The following PIEZO2 variants were observed in gnomAD, a reference collection of about 807,000 sequenced individuals.
PIEZO2 encodes piezo type mechanosensitive ion channel component 2.
In PIEZO2, 172 loss-of-function variants were observed where a neutral mutation model predicts 337.3. That is an observed-to-expected ratio of 0.51 (90% confidence interval 0.45 to 0.58). The LOEUF is 0.58. Among genes scored for constraint, PIEZO2 ranks in the 20% least tolerant of loss-of-function variants. The pLI is 0.00. For missense variants in PIEZO2, 3,028 were observed against 3,391.3 expected (o/e 0.89, Z 2.66); for synonymous variants, 1,251 against 1,228.5 (o/e 1.02, Z -0.38).
rs894265725 is a variant in PIEZO2, at chr18:10,824,239, C to T, written c.918-16965G>A. The stretch of plus-strand genomic sequence containing the variant: ...AATAATTTACGAGAGTAGCAAGAGA[C>T]AAGTCTCCATAGTCTGTGGGAAAAA... On this transcript the variant is annotated intron_variant, in intron 7 of 55. Coordinates refer to ENST00000674853, the MANE Select transcript of PIEZO2 (RefSeq NM_001378183.1). This position sits in a 1 kb window ranked among gnomAD's most constrained non-coding sequence, Gnocchi z 4.4. Among the ~76,000 whole-genome samples, 6 of 152,106 alleles carry T rather than the reference C, an allele frequency of 3.9e-5. No individual in the cohort carries two copies. Among genetic ancestry groups the T allele is most frequent in the Admixed American group, 6.6e-5 (1 of 15,262 alleles).
At chr18:10,693,474 A>T (rs1265508101) in intron 47 of PIEZO2, among the ~76,000 whole-genome samples, 1 of 151,342 alleles carries the variant, frequency 6.6e-6, no homozygotes, top group Non-Finnish European at 1.5e-5. Flanking sequence ...GGTTCAAGCG[A>T]TTCTCCTGCC....
Position 10,671,529 on chromosome 18 carries a change from A to G in PIEZO2, c.8596T>C (p.Ter2866ArgextTer13), listed in dbSNP as rs1432618446. ...MIKWTREKTN[*>R] is the part of the protein sequence containing the mutation. ...TTTGCAGTCTGTGTTCTAAGGTTTCAATTTGTTTTTTCTCTAGTCCATTTG... is the reference window on the plus strand; with the variant it reads ...TTTGCAGTCTGTGTTCTAAGGTTTCGATTTGTTTTTTCTCTAGTCCATTTG... Residue 2866 changes from the stop codon to arginine (R), a stop_lost, in exon 56 of 56, where the codon TGA (stop) becomes CGA (arginine). Transcript: ENST00000674853. The G allele has an allele frequency of 1.2e-6, 2 of 1,607,788 alleles. No homozygotes were observed. Among genetic ancestry groups the G allele is most frequent in the African/African-American group, 1.3e-5 (1 of 74,658 alleles).
chr18:10,950,611 C>A (rs796381948), intron 3 of PIEZO2, among the ~76,000 whole-genome samples: 24 of 152,290 alleles, frequency 1.6e-4, no homozygotes, highest in African/African-American at 5.5e-4. Flanking sequence ...TCTGATAACA[C>A]CCAACTTTGT....
intron 14 of PIEZO2, 31 bp from the exon 15 acceptor site, chr18:10,789,396 A>G: frequency 1.3e-6 from 2 of 1,519,098 alleles, no homozygotes; most frequent in South Asian, 1.3e-5. Flanking sequence ...TGTTATACTT[A>G]GCTGGTTATC....
rs955270827 is a variant in PIEZO2 at position 10,837,333 on chromosome 18, G to A, written c.917+18020C>T. The stretch of plus-strand genomic sequence containing the variant: ...GAAGAAAAGAAGTCCCCTGTGAGGG[G>A]AACACAGCATCTTCTGAGAATACCT... On this transcript the variant is annotated intron_variant, in intron 7 of 55. Transcript: ENST00000674853. The surrounding 1 kb of genome is among the most constrained non-coding windows in gnomAD (Gnocchi z 4.4). Among the ~76,000 whole-genome samples the A allele has an allele frequency of 2.6e-5, 4 of 152,184 alleles. No homozygotes were observed. The highest frequency in any genetic ancestry group is 6.5e-5 in the Admixed American group (1 of 15,280).
Position 10,870,033 on chromosome 18 carries a change from G to A in PIEZO2, c.492+1220C>T, listed in dbSNP as rs1022129802. ...TAGAATTACAGGCAAGCACCATCACGCTCAGCTAATTTTTGTATTTTTAGT... is the reference window on the plus strand; with the variant it reads ...TAGAATTACAGGCAAGCACCATCACACTCAGCTAATTTTTGTATTTTTAGT... On this transcript the variant is annotated intron_variant, in intron 5 of 55. Transcript: ENST00000674853. The surrounding 1 kb of genome is among the most constrained non-coding windows in gnomAD (Gnocchi z 5.3). 9.2e-5 allele frequency among the ~76,000 whole-genome samples: 14 copies of A among 151,972 alleles called. No individual in the cohort carries two copies. The highest frequency in any genetic ancestry group is 3.9e-4 in the East Asian group (2 of 5,182).
At chr18:10,836,420 C>T (rs1389739324) in intron 7 of PIEZO2, among the ~76,000 whole-genome samples, 1 of 152,190 alleles carries the variant, frequency 6.6e-6, no homozygotes. Context: ...CCATCCCTAC[C>T]CAATACCTCC....
chr18:10,762,567 C>A lies in PIEZO2; in HGVS notation c.3182G>T (p.Ser1061Ile). The A allele has an allele frequency of 6.5e-7, 1 of 1,537,426 alleles. No individual in the cohort carries two copies. The highest frequency in any genetic ancestry group is 8.7e-7 in the Non-Finnish European group (1 of 1,146,936). Residue 1061 changes from serine (S) to isoleucine (I), a missense_variant, in exon 23 of 56, where the codon AGC (serine) becomes ATC (isoleucine). Ser to Ile is a moderately radical substitution (Grantham distance 142). Around this residue, in one of 5 missense-constraint regions of PIEZO2, gnomAD observed 1,925 missense variants for 2,051.9 expected, o/e 0.94. Transcript: ENST00000674853. ...CCACTCTGTAGGATCGATAGGAGCG[C>A]TGTAGAGCAGAGACTTGTTCAACTC... ...FNELNKSLLY[S>I]APIDPTEWVG...
At chr18:10,729,106 T>G (rs2036662049) in intron 36 of PIEZO2, among the ~76,000 whole-genome samples, 2 of 152,208 alleles carry the variant, frequency 1.3e-5, no homozygotes, top group South Asian at 4.1e-4. Flanking sequence ...TGGGGCAGAT[T>G]ATACGTGTAC....
chr18:11,008,814 AG>A (rs2035802587), intron 2 of PIEZO2, among the ~76,000 whole-genome samples: 1 of 152,210 alleles, frequency 6.6e-6, no homozygotes, highest in Admixed American at 6.5e-5. Context: ...GTGACAGGCC[AG>A]CTAGGTGATT....
chr18:10,815,812 C>A lies in PIEZO2; in HGVS notation c.918-8538G>T, dbSNP rs1444072586. On this transcript the variant is annotated intron_variant, in intron 7 of 55. Coordinates refer to ENST00000674853, the MANE Select transcript of PIEZO2 (RefSeq NM_001378183.1). This position sits in a 1 kb window ranked among gnomAD's most constrained non-coding sequence, Gnocchi z 4.1. The stretch of plus-strand genomic sequence containing the variant: ...ACATAGAATATACTTTCTACCTCTC[C>A]AAGAAAAACAGTTCCAAATTTCTAC... Among the ~76,000 whole-genome samples the A allele has an allele frequency of 6.6e-6, 1 of 152,120 alleles. No homozygotes were observed. Among genetic ancestry groups the A allele is most frequent in the Non-Finnish European group, 1.5e-5 (1 of 68,014 alleles).
intron 1 of PIEZO2, among the ~76,000 whole-genome samples, chr18:11,135,995 TAA>T (rs1346804610): frequency 6.6e-6 from 1 of 152,234 alleles, no homozygotes; most frequent in Non-Finnish European, 1.5e-5. Context: ...TCCTAAGTAA[TAA>T]GTTTGGAAGG....
Position 11,096,113 on chromosome 18 carries a change from C to T in PIEZO2, c.65-29891G>A, listed in dbSNP as rs2039256710. Among the ~76,000 whole-genome samples, 1 of 152,202 alleles carries T rather than the reference C, an allele frequency of 6.6e-6. No individual in the cohort carries two copies. The highest frequency in any genetic ancestry group is 2.4e-5 in the African/African-American group (1 of 41,458). ...GCTGTCCAAGTGAGGCTTCCATTCT[C>T]TAAGCCGGTCCACATGGAGCCCTCA... On this transcript the variant is annotated intron_variant, in intron 1 of 55. Coordinates refer to ENST00000674853, the MANE Select transcript of PIEZO2 (RefSeq NM_001378183.1). The surrounding 1 kb of genome is among the most constrained non-coding windows in gnomAD (Gnocchi z 4.6).
chr18:10,958,172 T>C (rs576109058), intron 3 of PIEZO2, among the ~76,000 whole-genome samples: 2 of 152,290 alleles, frequency 1.3e-5, no homozygotes, highest in South Asian at 2.1e-4. Context: ...TATAAAAGTA[T>C]ATACACAATG....
At position 10,691,311 on chromosome 18, in the gene PIEZO2, G is replaced by A; in HGVS notation, c.7263C>T (p.Tyr2421=). The change falls in exon 48 of 56, where the codon TAC becomes TAT. Residue 2421 remains tyrosine, a synonymous_variant. Coordinates refer to ENST00000674853, the MANE Select transcript of PIEZO2 (RefSeq NM_001378183.1). ...GCGTTGGGTAGCCACAACGGATCTGGTAAGCAGACAACCCGAAGTAAACAC... is the reference window on the plus strand; with the variant it reads ...GCGTTGGGTAGCCACAACGGATCTGATAAGCAGACAACCCGAAGTAAACAC... ...VKCVYFGLSA[Y]QIRCGYPTRV... The A allele has an allele frequency of 1.2e-6, 2 of 1,614,080 alleles. No homozygotes were observed. Among genetic ancestry groups the A allele is most frequent in the East Asian group, 2.2e-5 (1 of 44,868 alleles).
In PIEZO2 at chr18:11,131,299, C is replaced by A. The variant is rs982583365; in HGVS notation, c.64+17226G>T. ...TATACATGATCGGGCTCGAGCAGGT[C>A]CTGAGGGCACAAGTAAGTTACATGA... On this transcript the variant is annotated intron_variant, in intron 1 of 55. Transcript: ENST00000674853. The surrounding 1 kb of genome is among the most constrained non-coding windows in gnomAD (Gnocchi z 5.3). 1.1e-4 allele frequency among the ~76,000 whole-genome samples: 17 copies of A among 152,108 alleles called. No homozygotes were observed. Among genetic ancestry groups the A allele is most frequent in the Non-Finnish European group, 2.9e-5 (2 of 68,012 alleles).
rs1427698498 is a variant in PIEZO2 at position 11,146,769 on chromosome 18, C to A, written c.64+1756G>T. Among the ~76,000 whole-genome samples the A allele has an allele frequency of 1.3e-5, 2 of 152,202 alleles. No individual in the cohort carries two copies. Among genetic ancestry groups the A allele is most frequent in the African/African-American group, 4.8e-5 (2 of 41,466 alleles). The stretch of plus-strand genomic sequence containing the variant: ...AGTGGACCGAGCTGGCTGCAGGGAA[C>A]CACATGCCTAACTCTTCCAACAGTC... On this transcript the variant is annotated intron_variant, in intron 1 of 55. Transcript: ENST00000674853. This position sits in a 1 kb window ranked among gnomAD's most constrained non-coding sequence, Gnocchi z 6.1.
rs972822522 is a variant in PIEZO2, at chr18:11,111,665, C to G, written c.64+36860G>C. 6.6e-6 allele frequency among the ~76,000 whole-genome samples: 1 copy of G among 152,172 alleles called. No individual in the cohort carries two copies. Among genetic ancestry groups the G allele is most frequent in the African/African-American group, 2.4e-5 (1 of 41,420 alleles). On this transcript the variant is annotated intron_variant, in intron 1 of 55. Transcript: ENST00000674853. This position sits in a 1 kb window ranked among gnomAD's most constrained non-coding sequence, Gnocchi z 6.2. ...CTTCCTCTCTCCTGTGCTCACATGA[C>G]ATCCAATCCCCACTTAATTGAAGTC...
At chr18:10,936,938 C>T (rs2032434113) in intron 3 of PIEZO2, among the ~76,000 whole-genome samples, 1 of 152,102 alleles carries the variant, frequency 6.6e-6, no homozygotes, top group Non-Finnish European at 1.5e-5. Flanking sequence ...CTTGTGAATC[C>T]CCCCATGACT....
Sources: gnomAD v4.1 joint callset for allele counts (sites outside exome capture counted in the v4.1 genomes callset) on GRCh38, gnomAD v4.1.1 for gene constraint, gnomAD v4.1.1 regional missense constraint, Gnocchi (gnomAD v3.1) non-coding constraint, MANE v1.5 for transcripts, NCBI Gene and HGNC (gene_info 2026-07-23, HGNC 2026-07-21) for gene names.